AFF1: variants seen among roughly 807,000 people sequenced by gnomAD.
The protein encoded by AFF1 is ALF transcription elongation factor 1, also known as AF4/FMR2 family member 1.
AFF1 carries 48 observed loss-of-function variants against 121.7 expected under a neutral mutation model. The observed-to-expected ratio is 0.39, with a 90% CI of 0.31 to 0.50. The LOEUF (loss-of-function observed/expected upper bound fraction) is 0.50. Among genes scored for constraint, AFF1 ranks in the 20% least tolerant of loss-of-function variants. The pLI, the probability that AFF1 is intolerant of heterozygous loss-of-function variation, is 0.76. For synonymous variants in AFF1, 613 were observed against 563.0 expected, an observed-to-expected ratio of 1.09 and a Z score of -1.26; for missense variants, 1,523 against 1,511.7, an observed-to-expected ratio of 1.01 and a Z score of -0.12.
chr4:87,130,106 C>G (rs1728679582), intron 16 of AFF1, among the ~76,000 whole-genome samples: 1 of 150,884 alleles, frequency 6.6e-6, no homozygotes, highest in African/African-American at 2.5e-5. Flanking sequence ...TCCCAAGTAG[C>G]TGGGATTACA....
intron 2 of AFF1, chr4:87,036,882 G>C (rs1729624064): frequency 4.3e-6 from 2 of 465,624 alleles, no homozygotes; most frequent in African/African-American, 4.1e-5. Flanking sequence ...GCTGAGGCTG[G>C]AGTGCAGGGT....
At chr4:86,973,910 T>A (rs1449333548) in intron 2 of AFF1, 1 of 152,132 alleles carries the variant, frequency 6.6e-6, no homozygotes, top group African/African-American at 2.4e-5. Flanking sequence ...AATACGAGAA[T>A]AGAAAAATGG....
intron 2 of AFF1, among the ~76,000 whole-genome samples, chr4:86,992,967 A>T (rs1724846069): frequency 2.0e-5 from 3 of 152,308 alleles, no homozygotes; most frequent in South Asian, 4.1e-4. Context: ...AAGATTTTTT[A>T]AAAAACATGC....
chr4:86,980,947 A>G (rs996800493), intron 2 of AFF1, among the ~76,000 whole-genome samples: 1 of 102,428 alleles, frequency 9.8e-6, no homozygotes. Flanking sequence ...GGCTTGAGGC[A>G]CCCCCCCCCT....
At chr4:86,978,825 TA>T (rs1175843437) in intron 2 of AFF1, among the ~76,000 whole-genome samples, 3 of 152,228 alleles carry the variant, frequency 2.0e-5, no homozygotes, top group Non-Finnish European at 4.4e-5. Context: ...GCAGTATTTC[TA>T]AACATTTGGT....
intron 2 of AFF1, among the ~76,000 whole-genome samples, chr4:87,024,415 G>C (rs1446611178): frequency 6.6e-6 from 1 of 152,146 alleles, no homozygotes. Flanking sequence ...CCCAGCGTTA[G>C]CCTCTGGGAA....
At chr4:87,046,647 T>G in intron 3 of AFF1, 48 bp from the exon 4 acceptor site, 2 of 1,546,680 alleles carry the variant, frequency 1.3e-6, no homozygotes, top group South Asian at 2.5e-5. Context: ...TGTTAAATGG[T>G]AGTTTTCCTT....
rs544018292 is a variant in AFF1, at chr4:87,081,928, G to C, written c.1060-2192G>C. On this transcript the variant is annotated intron_variant, in intron 4 of 20. Transcript: ENST00000395146. ...AACTCTTGGGGAAAAAAAACATTTCGGCGACATGAAACATCTTGGCAAAGT... is the reference window on the plus strand; with the variant it reads ...AACTCTTGGGGAAAAAAAACATTTCCGCGACATGAAACATCTTGGCAAAGT... Among the ~76,000 whole-genome samples, 6 of 152,102 alleles carry C rather than the reference G, an allele frequency of 3.9e-5. No individual in the cohort carries two copies. In the South Asian group the frequency reaches 1.2e-3, roughly 32 times the overall value.
intron 2 of AFF1, among the ~76,000 whole-genome samples, chr4:86,986,596 GAAA>G (rs537119945): frequency 6.8e-6 from 1 of 146,936 alleles, no homozygotes; most frequent in African/African-American, 2.5e-5. Flanking sequence ...GAACTCTGCA[GAAA>G]AAAAAAATTG....
At chr4:86,964,156 G>T (rs1050266890) in intron 2 of AFF1, among the ~76,000 whole-genome samples, 1 of 141,166 alleles carries the variant, frequency 7.1e-6, no homozygotes, top group African/African-American at 2.6e-5. Flanking sequence ...ATGGAGTCTC[G>T]CCCCGTCACC....
intron 2 of AFF1, among the ~76,000 whole-genome samples, chr4:87,029,555 C>T (rs1728865415): frequency 6.6e-6 from 1 of 152,140 alleles, no homozygotes; most frequent in African/African-American, 2.4e-5. Flanking sequence ...TTTCCAAAAA[C>T]CACACCCGCC....
At chr4:87,020,702 T>C in intron 2 of AFF1, 1 of 669,344 alleles carries the variant, frequency 1.5e-6, no homozygotes, top group South Asian at 6.7e-5. Context: ...GCCAGGATGT[T>C]CTCAGTCTCC....
intron 2 of AFF1, among the ~76,000 whole-genome samples, chr4:87,029,864 GAA>G (rs1182134503): frequency 6.6e-6 from 1 of 152,186 alleles, no homozygotes; most frequent in African/African-American, 2.4e-5. Context: ...TGGAGATGGG[GAA>G]GAGTCCTGAA....
At chr4:87,088,182 G>A (rs1464833649) in intron 5 of AFF1, among the ~76,000 whole-genome samples, 1 of 152,200 alleles carries the variant, frequency 6.6e-6, no homozygotes, top group African/African-American at 2.4e-5. Context: ...TTCAATCTGG[G>A]TCTTTGGCTA....
intron 4 of AFF1, among the ~76,000 whole-genome samples, chr4:87,067,634 C>T (rs1721493540): frequency 6.6e-6 from 1 of 152,174 alleles, no homozygotes; most frequent in Non-Finnish European, 1.5e-5. Context: ...ATAAGTATTA[C>T]CCAGTCTTTT....
chr4:87,129,954 TTTTC>T (rs767071136), intron 16 of AFF1, among the ~76,000 whole-genome samples: 12 of 151,918 alleles, frequency 7.9e-5, no homozygotes, highest in Non-Finnish European at 1.6e-4. Flanking sequence ...ATCTTTACTA[TTTTC>T]TTTCTTTCTT....
chr4:87,108,222 C>T lies in AFF1; in HGVS notation c.1440C>T (p.Ser480=), dbSNP rs138098259. The T allele has an allele frequency of 5.0e-6, 8 of 1,614,142 alleles. No homozygotes were observed. In the African/African-American group the frequency reaches 6.7e-5, roughly 13 times the overall value. The change falls in exon 11 of 21, where the codon AGC becomes AGT. Residue 480 remains serine, a synonymous_variant. Transcript: ENST00000395146. Reference sequence around the variant, plus strand: ...ATTCCAGCAGTGCAGAGTCAGAAAGCACCAGTGACTCAGACAGTTCCTCAG... The same window carrying T: ...ATTCCAGCAGTGCAGAGTCAGAAAGTACCAGTGACTCAGACAGTTCCTCAG... The part of the protein sequence containing the change: ...SAHSSSAESE[S]TSDSDSSSDS...
chr4:86,967,541 A>G (rs1275607623), intron 2 of AFF1, among the ~76,000 whole-genome samples: 2 of 152,200 alleles, frequency 1.3e-5, no homozygotes, highest in Non-Finnish European at 2.9e-5. Flanking sequence ...AATGGAGTTT[A>G]GTGGGACATG....
intron 2 of AFF1, among the ~76,000 whole-genome samples, chr4:86,976,169 G>A (rs1231239079): frequency 2.6e-5 from 4 of 152,142 alleles, no homozygotes; most frequent in Non-Finnish European, 5.9e-5. Context: ...TGTGGGGAGG[G>A]TTGGCTGTAG....
Sources: gnomAD v4.1 joint callset for allele counts (sites outside exome capture counted in the v4.1 genomes callset) on GRCh38, gnomAD v4.1.1 for gene constraint, MANE v1.5 for transcripts, NCBI Gene and HGNC (gene_info 2026-07-23, HGNC 2026-07-21) for gene names.